SLC24A3: variants seen among roughly 807,000 people sequenced by gnomAD.
SLC24A3 encodes solute carrier family 24 member 3.
In SLC24A3, 28 loss-of-function variants were observed where a neutral mutation model predicts 75.8. The ratio of observed to expected loss-of-function variants is 0.37; its 90% CI spans 0.27 to 0.51. SLC24A3 has a LOEUF of 0.51. Among genes scored for constraint, SLC24A3 ranks in the 20% least tolerant of loss-of-function variants. The pLI is 0.94. For synonymous variants in SLC24A3, 372 were observed against 334.1 expected, an observed-to-expected ratio of 1.11 and a Z score of -1.24; for missense variants, 663 against 847.8, an observed-to-expected ratio of 0.78 and a Z score of 2.71.
intron 3 of SLC24A3, among the ~76,000 whole-genome samples, chr20:19,556,519 G>C (rs2030786299): frequency 6.9e-6 from 1 of 145,872 alleles, no homozygotes; most frequent in Non-Finnish European, 1.5e-5. Flanking sequence ...GCTGAATTGA[G>C]AAAAAGATGT....
At chr20:19,456,540 A>G (rs528856718) in intron 2 of SLC24A3, among the ~76,000 whole-genome samples, 125 of 152,330 alleles carry the variant, frequency 8.2e-4, no homozygotes, top group Middle Eastern at 3.4e-3. Context: ...CTGTAAGTCC[A>G]ATTAAACCTC....
chr20:19,465,975 T>C (rs879570562), intron 2 of SLC24A3, among the ~76,000 whole-genome samples: 1 of 152,206 alleles, frequency 6.6e-6, no homozygotes, highest in Admixed American at 6.5e-5. Flanking sequence ...GAGCCAGTCC[T>C]CTTTAGGTAG....
intron 2 of SLC24A3, among the ~76,000 whole-genome samples, chr20:19,407,401 G>A (rs1381148445): frequency 3.3e-5 from 5 of 152,184 alleles, no homozygotes; most frequent in Non-Finnish European, 2.9e-5. Context: ...GGGGCAGGTC[G>A]TGCTCTGATG....
At chr20:19,323,386 G>C (rs1984760976) in intron 2 of SLC24A3, among the ~76,000 whole-genome samples, 1 of 152,152 alleles carries the variant, frequency 6.6e-6, no homozygotes, top group Admixed American at 6.5e-5. Flanking sequence ...GGATGACCCA[G>C]CCTGAAAATG....
intron 15 of SLC24A3, among the ~76,000 whole-genome samples, chr20:19,702,129 G>A (rs1037790137): frequency 2.6e-5 from 4 of 152,058 alleles, no homozygotes; most frequent in South Asian, 2.1e-4. Context: ...ATTCCAACTC[G>A]ATTCAGCACA....
At chr20:19,561,771 A>C (rs570791590) in intron 3 of SLC24A3, among the ~76,000 whole-genome samples, 1 of 152,292 alleles carries the variant, frequency 6.6e-6, no homozygotes, top group Admixed American at 6.5e-5. Context: ...GGTTGGCACT[A>C]TTATTTTTCC....
At chr20:19,340,416 A>G (rs1051533617) in intron 2 of SLC24A3, among the ~76,000 whole-genome samples, 2 of 152,340 alleles carry the variant, frequency 1.3e-5, no homozygotes, top group Admixed American at 1.3e-4. Context: ...TGACACCTTG[A>G]TCTAGGACTT....
At chr20:19,361,704 A>G (rs2122341142) in intron 2 of SLC24A3, among the ~76,000 whole-genome samples, 1 of 152,356 alleles carries the variant, frequency 6.6e-6, no homozygotes, top group Non-Finnish European at 1.5e-5. Flanking sequence ...ATTCAGGGAA[A>G]AGTGTGTTGA....
intron 9 of SLC24A3, among the ~76,000 whole-genome samples, chr20:19,678,486 G>A (rs1352672899): frequency 5.2e-5 from 7 of 133,776 alleles, no homozygotes; most frequent in South Asian, 2.3e-4. Flanking sequence ...CCTCCCTCCC[G>A]GACGGGGCGG....
intron 2 of SLC24A3, 33 bp from the exon 3 acceptor site, chr20:19,515,455 G>A: frequency 1.2e-6 from 2 of 1,610,286 alleles, no homozygotes; most frequent in Non-Finnish European, 1.7e-6. Flanking sequence ...GTGGTCACCT[G>A]TGCTGAGACG....
At chr20:19,575,950 A>T (rs1164953175) in intron 3 of SLC24A3, among the ~76,000 whole-genome samples, 1 of 152,088 alleles carries the variant, frequency 6.6e-6, no homozygotes, top group Non-Finnish European at 1.5e-5. Flanking sequence ...ACCAGAAATG[A>T]TCTTTATACA....
chr20:19,612,443 A>G (rs1349786137), intron 6 of SLC24A3, among the ~76,000 whole-genome samples: 1 of 152,212 alleles, frequency 6.6e-6, no homozygotes, highest in Non-Finnish European at 1.5e-5. Flanking sequence ...AGAAATGATC[A>G]ATGTTCAAGG....
chr20:19,532,048 G>A (rs2030310856), intron 3 of SLC24A3, among the ~76,000 whole-genome samples: 1 of 152,234 alleles, frequency 6.6e-6, no homozygotes, highest in Non-Finnish European at 1.5e-5. Context: ...TGGGGCTCCA[G>A]TGTTCCAGTG....
intron 2 of SLC24A3, among the ~76,000 whole-genome samples, chr20:19,394,154 A>T (rs1197888998): frequency 6.6e-6 from 1 of 152,204 alleles, no homozygotes; most frequent in Non-Finnish European, 1.5e-5. Flanking sequence ...TGATATCTAC[A>T]TGCAAAAGGA....
At chr20:19,417,253 T>A (rs1380226932) in intron 2 of SLC24A3, among the ~76,000 whole-genome samples, 2 of 152,202 alleles carry the variant, frequency 1.3e-5, no homozygotes, top group African/African-American at 4.8e-5. Context: ...ATGATCAGAT[T>A]TGCAGTAGTG....
chr20:19,522,046 G>T (rs1378364800), intron 3 of SLC24A3, among the ~76,000 whole-genome samples: 1 of 152,106 alleles, frequency 6.6e-6, no homozygotes, highest in Admixed American at 6.6e-5. Flanking sequence ...CTAAATCTGT[G>T]CTGTCTAACG....
chr20:19,246,937 C>G (rs1465531660), intron 1 of SLC24A3, among the ~76,000 whole-genome samples: 2 of 152,026 alleles, frequency 1.3e-5, no homozygotes, highest in Non-Finnish European at 2.9e-5. Flanking sequence ...ATAATAAAAG[C>G]ATTTCCTTTA....
chr20:19,349,055 T>A (rs984580775), intron 2 of SLC24A3, among the ~76,000 whole-genome samples: 2 of 152,146 alleles, frequency 1.3e-5, no homozygotes, highest in Non-Finnish European at 2.9e-5. Context: ...CTCTAGGCCT[T>A]CTTCTGTGTA....
intron 1 of SLC24A3, among the ~76,000 whole-genome samples, chr20:19,239,670 T>C (rs991524125): frequency 2.6e-5 from 4 of 152,228 alleles, no homozygotes; most frequent in Non-Finnish European, 5.9e-5. Flanking sequence ...GTGTGTCATA[T>C]TAGCAGGTAA....
Sources: allele counts gnomAD v4.1 joint callset (sites outside exome capture counted in the v4.1 genomes callset), GRCh38; gene constraint gnomAD v4.1.1; transcripts MANE v1.5; gene names NCBI Gene and HGNC (gene_info 2026-07-23, HGNC 2026-07-21).